DPP6: variants seen among roughly 807,000 people sequenced by gnomAD.
DPP6 encodes dipeptidyl peptidase like 6, also known as A-type potassium channel modulatory protein DPP6.
In DPP6, 69 loss-of-function variants were observed where a neutral mutation model predicts 122.6. That is an observed-to-expected ratio of 0.56 (90% CI 0.46 to 0.69). DPP6 has a LOEUF of 0.69. DPP6 is among the 30% of genes least tolerant of loss of function. DPP6 has a pLI of 0.00. For missense variants in DPP6, 928 were observed against 1,116.9 expected, an observed-to-expected ratio of 0.83 and a Z score of 2.41; for synonymous variants, 418 against 433.1, an observed-to-expected ratio of 0.97 and a Z score of 0.43.
intron 2 of DPP6, among the ~76,000 whole-genome samples, chr7:154,456,893 T>C (rs1168258760): frequency 1.5e-5 from 1 of 64,718 alleles, no homozygotes; most frequent in African/African-American, 5.1e-5. Flanking sequence ...CCTCTTTTCC[T>C]AATTGAATAC....
chr7:153,750,931 A>G, the DPP6 span, among the ~76,000 whole-genome samples: 5 of 152,160 alleles, frequency 3.3e-5, no homozygotes, highest in Admixed American at 3.3e-4. Flanking sequence ...TTGCCTGTAA[A>G]GTTTGCAGCT....
chr7:153,867,964 C>A, the DPP6 span, among the ~76,000 whole-genome samples: 3 of 152,082 alleles, frequency 2.0e-5, no homozygotes, highest in Non-Finnish European at 4.4e-5. Context: ...TATTGATTTT[C>A]GTATGTTGAA....
intron 6 of DPP6, among the ~76,000 whole-genome samples, chr7:154,647,603 C>G (rs1836570480): frequency 6.6e-6 from 1 of 152,174 alleles, no homozygotes; most frequent in Non-Finnish European, 1.5e-5. Flanking sequence ...CTCACATGTG[C>G]CCTGGGCTCC....
At chr7:154,830,239 C>T (rs964800447) in intron 16 of DPP6, among the ~76,000 whole-genome samples, 9 of 152,186 alleles carry the variant, frequency 5.9e-5, no homozygotes, top group African/African-American at 2.2e-4. Context: ...GTCCTTACCT[C>T]CTTTCCATCT....
In DPP6 at chr7:154,827,792, T is replaced by TG. The variant is rs552648306; in HGVS notation, c.1666+20687dup. ...GGTGTCTCCCAGAAAGGATGTCCTG[T>TG]GGGGGGGTGTCAGATCCCAAGCGGA... is the stretch of plus-strand genomic sequence containing the variant. On this transcript the variant is annotated intron_variant, in intron 16 of 25. Transcript: ENST00000377770. Among the ~76,000 whole-genome samples, 19 of 57,654 alleles carry TG rather than the reference T, an allele frequency of 3.3e-4. No individual in the cohort carries two copies. The South Asian group carries it at 8.1e-3, about 24-fold the overall frequency. The allele number at this position is 57,654 out of a possible 152,430, so 37.8% of individuals were successfully genotyped here.
In DPP6 at chr7:153,919,879, G is replaced by C. The variant is rs143293906; in HGVS notation, c.51+32145G>C. ...ATTGTATTTATTACAAATGTGAGTT[G>C]CTTGTTCATTGAGATTATTATAAAG... On this transcript the variant is annotated intron_variant, in intron 1 of 25. Transcript: ENST00000404039. 2.4e-3 allele frequency among the ~76,000 whole-genome samples: 363 copies of C among 152,338 alleles called. 5 individuals carry two copies. Among genetic ancestry groups the C allele is most frequent in the African/African-American group, 8.2e-3 (343 of 41,584 alleles).
the DPP6 span, among the ~76,000 whole-genome samples, chr7:153,864,017 T>G: frequency 6.6e-6 from 1 of 152,324 alleles, no homozygotes; most frequent in Admixed American, 6.5e-5. Context: ...TTTTGACTAT[T>G]GTAAATAATG....
chr7:154,304,954 C>T (rs1156439788), intron 1 of DPP6, among the ~76,000 whole-genome samples: 4 of 152,052 alleles, frequency 2.6e-5, no homozygotes, highest in African/African-American at 9.7e-5. Flanking sequence ...CTGATGGATG[C>T]GGTGACCGAG....
chr7:154,651,733 G>A (rs1291148217), intron 6 of DPP6, among the ~76,000 whole-genome samples: 1 of 152,038 alleles, frequency 6.6e-6, no homozygotes, highest in Non-Finnish European at 1.5e-5. Flanking sequence ...TTTACAGATG[G>A]GCAGCCGAAA....
intron 1 of DPP6, among the ~76,000 whole-genome samples, chr7:154,238,744 T>C (rs1585708325): frequency 6.6e-6 from 1 of 152,232 alleles, no homozygotes; most frequent in Non-Finnish European, 1.5e-5. Context: ...TCTTTCTACA[T>C]TTAAAACTAT....
At chr7:154,495,210 T>C (rs1824625503) in intron 3 of DPP6, among the ~76,000 whole-genome samples, 2 of 152,128 alleles carry the variant, frequency 1.3e-5, no homozygotes, top group Admixed American at 6.5e-5. Context: ...AATGGGGCCA[T>C]GAGTGTGAGG....
At position 154,500,781 on chromosome 7, in the gene DPP6, A is replaced by G. The variant is rs367927230; in HGVS notation, c.457+25744A>G. On this transcript the variant is annotated intron_variant, in intron 3 of 25. Transcript: ENST00000377770. Reference sequence around the variant, plus strand: ...ACTAATACAGTAAATTGGTACCAGTAGAGTGGGGCACTGCTGAAAAGATCC... The same window carrying G: ...ACTAATACAGTAAATTGGTACCAGTGGAGTGGGGCACTGCTGAAAAGATCC... Among the ~76,000 whole-genome samples, 52 of 152,350 alleles carry G rather than the reference A, an allele frequency of 3.4e-4. No homozygotes were observed. The South Asian group carries it at 6.8e-3, about 20-fold the overall frequency.
intron 5 of DPP6, among the ~76,000 whole-genome samples, chr7:154,621,679 G>A (rs946347454): frequency 2.0e-5 from 3 of 152,116 alleles, no homozygotes; most frequent in Non-Finnish European, 4.4e-5. Flanking sequence ...TAATTTTTAA[G>A]GTTTTAATTC....
chr7:154,331,430 G>A (rs1422400933), intron 1 of DPP6, among the ~76,000 whole-genome samples: 1 of 152,242 alleles, frequency 6.6e-6, no homozygotes, highest in Non-Finnish European at 1.5e-5. Context: ...GACCAGGAGA[G>A]TGTAGACAGG....
intron 18 of DPP6, 135 bp downstream of exon 18, chr7:154,868,228 C>T: frequency 8.2e-7 from 1 of 1,219,334 alleles, no homozygotes; most frequent in Non-Finnish European, 1.1e-6. Context: ...CCCCTCAGCT[C>T]CTCTGGCATG....
chr7:154,690,057 A>G (rs1006342139), intron 7 of DPP6, among the ~76,000 whole-genome samples: 5 of 152,214 alleles, frequency 3.3e-5, no homozygotes, highest in African/African-American at 1.2e-4. Context: ...ACTTGGCACC[A>G]GTGTGCTTAT....
intron 1 of DPP6, among the ~76,000 whole-genome samples, chr7:154,018,800 C>A (rs908179982): frequency 3.3e-5 from 5 of 152,304 alleles, no homozygotes; most frequent in Admixed American, 6.5e-5. Flanking sequence ...TTCTCTCTTG[C>A]AGAAGAAGAG....
At chr7:154,488,378 T>C (rs2151382571) in intron 3 of DPP6, among the ~76,000 whole-genome samples, 1 of 151,832 alleles carries the variant, frequency 6.6e-6, no homozygotes, top group East Asian at 1.9e-4. Context: ...TAGTCCCAGC[T>C]ACTCGGGAGG....
At chr7:154,702,557 TC>T (rs34001446) in intron 7 of DPP6, among the ~76,000 whole-genome samples, 14 of 152,180 alleles carry the variant, frequency 9.2e-5, no homozygotes, top group Non-Finnish European at 2.1e-4. Context: ...GGATAAAAGA[TC>T]AAACCAGATA....
Sources: allele counts gnomAD v4.1 joint callset (sites outside exome capture counted in the v4.1 genomes callset), GRCh38; gene constraint gnomAD v4.1.1; transcripts MANE v1.5; gene names NCBI Gene and HGNC (gene_info 2026-07-23, HGNC 2026-07-21).